ZNF385D: variants seen among roughly 807,000 people sequenced by gnomAD.
ZNF385D encodes the protein zinc finger protein 385D.
ZNF385D carries 15 observed loss-of-function variants against 35.8 expected under a neutral mutation model. The ratio of observed to expected loss-of-function variants is 0.42; its 90% CI spans 0.28 to 0.64. The LOEUF is 0.64. Among genes scored for constraint, ZNF385D ranks in the 30% least tolerant of loss-of-function variants. The probability of loss-of-function intolerance (pLI) is 0.23; values close to 1 mark genes in which losing one functional copy is unlikely to be tolerated. For missense variants in ZNF385D, 474 were observed against 494.6 expected, an observed-to-expected ratio of 0.96 and a Z score of 0.39; for synonymous variants, 212 against 186.8, an observed-to-expected ratio of 1.13 and a Z score of -1.10.
rs556412503 is a variant in ZNF385D, at chr3:21,437,707, A to AAAAAAAAAAC, written c.440-505_440-504insGTTTTTTTTT. Among the ~76,000 whole-genome samples, 1,153 of 138,228 alleles carry AAAAAAAAAAC rather than the reference A, an allele frequency of 8.3e-3. 58 individuals are homozygous for AAAAAAAAAAC. The highest frequency in any genetic ancestry group is 0.012 in the Non-Finnish European group (773 of 65,572). 90.7% of individuals were successfully genotyped at this position (138,228 alleles called of 152,430 possible). ...CCTTTTGCAAATGCTTATACAAAAAAAAAAAAAAAAAACCGGAACCCTGAT... is the reference window on the plus strand; with the variant it reads ...CCTTTTGCAAATGCTTATACAAAAAAAAAAAAAAACAAAAAAAAAAAACCGGAACCCTGAT... On this transcript the variant is annotated intron_variant, in intron 4 of 7. Transcript: ENST00000281523.
At chr3:21,541,866 A>G (rs2062185312) in intron 3 of ZNF385D, among the ~76,000 whole-genome samples, 2 of 152,226 alleles carry the variant, frequency 1.3e-5, no homozygotes, top group Admixed American at 1.3e-4. Flanking sequence ...TAAGAAGTGT[A>G]TACAGTTGTA....
chr3:21,863,904 G>C (rs563858421), intron 3 of ZNF385D, among the ~76,000 whole-genome samples: 29 of 152,202 alleles, frequency 1.9e-4, no homozygotes, highest in African/African-American at 7.0e-4. Context: ...ATGCGCACAT[G>C]AATCACCAGG....
intron 2 of ZNF385D, among the ~76,000 whole-genome samples, chr3:22,311,690 G>T (rs892016753): frequency 8.6e-5 from 13 of 152,038 alleles, no homozygotes; most frequent in Admixed American, 3.9e-4. Context: ...GAGGAGTGGA[G>T]AAAAAGAAGA....
chr3:21,737,001 A>G (rs982222487), intron 1 of ZNF385D, among the ~76,000 whole-genome samples: 17 of 152,240 alleles, frequency 1.1e-4, no homozygotes, highest in Non-Finnish European at 1.6e-4. Flanking sequence ...GTACAGTGGC[A>G]CAATCTCGGC....
intron 2 of ZNF385D, among the ~76,000 whole-genome samples, chr3:22,259,291 T>C (rs1193664068): frequency 6.6e-6 from 1 of 151,990 alleles, no homozygotes; most frequent in East Asian, 1.9e-4. Context: ...GTTTACCTCA[T>C]GGTGCCAGAT....
chr3:22,071,150 T>C (rs921363184), intron 3 of ZNF385D, among the ~76,000 whole-genome samples: 2 of 152,160 alleles, frequency 1.3e-5, no homozygotes, highest in African/African-American at 2.4e-5. Context: ...CAATAAAGAA[T>C]GCATATGTTT....
chr3:22,247,855 G>C (rs189576333), intron 2 of ZNF385D, among the ~76,000 whole-genome samples: 1 of 151,840 alleles, frequency 6.6e-6, no homozygotes, highest in Non-Finnish European at 1.5e-5. Flanking sequence ...CACCTGCCTC[G>C]GCCTCCCAAA....
intron 3 of ZNF385D, among the ~76,000 whole-genome samples, chr3:21,994,021 A>G (rs1457578009): frequency 6.6e-6 from 1 of 152,140 alleles, no homozygotes; most frequent in East Asian, 1.9e-4. Context: ...CTCCTTTCCA[A>G]GACCCTTCTA....
intron 3 of ZNF385D, among the ~76,000 whole-genome samples, chr3:21,951,559 T>C (rs139301336): frequency 6.6e-6 from 1 of 151,640 alleles, no homozygotes; most frequent in Non-Finnish European, 1.5e-5. Flanking sequence ...TCTTGCCTGA[T>C]TGCCCCGGCC....
At chr3:22,181,641 T>C (rs1161640683) in intron 2 of ZNF385D, among the ~76,000 whole-genome samples, 1 of 141,306 alleles carries the variant, frequency 7.1e-6, no homozygotes, top group Non-Finnish European at 1.5e-5. Flanking sequence ...GAGCTTGCAG[T>C]GAGCGGAGAT....
At chr3:21,635,532 G>GT (rs1387991662) in intron 2 of ZNF385D, among the ~76,000 whole-genome samples, 2 of 123,956 alleles carry the variant, frequency 1.6e-5, no homozygotes, top group Non-Finnish European at 1.8e-5. Context: ...CAGAGTCACT[G>GT]TTTGTTGTTG....
At chr3:21,606,989 A>G (rs761282282) in intron 2 of ZNF385D, among the ~76,000 whole-genome samples, 61 of 152,340 alleles carry the variant, frequency 4.0e-4, no homozygotes, top group Non-Finnish European at 7.6e-4. Context: ...AGCAAATCAT[A>G]TATTATCAGG....
intron 3 of ZNF385D, among the ~76,000 whole-genome samples, chr3:21,914,369 G>T (rs552355418): frequency 8.2e-6 from 1 of 121,414 alleles, no homozygotes; most frequent in African/African-American, 3.2e-5. Context: ...TCTGTTCAGT[G>T]CTTTTGTTTG....
intron 3 of ZNF385D, among the ~76,000 whole-genome samples, chr3:21,916,400 T>C (rs1700194570): frequency 6.6e-6 from 1 of 152,192 alleles, no homozygotes; most frequent in Non-Finnish European, 1.5e-5. Flanking sequence ...TCTGCTTTAC[T>C]GATTCTAATG....
intron 1 of ZNF385D, among the ~76,000 whole-genome samples, chr3:21,690,920 CTG>C (rs1235231634): frequency 6.6e-6 from 1 of 152,206 alleles, no homozygotes; most frequent in East Asian, 1.9e-4. Context: ...ATATCTAAAA[CTG>C]TTCCTCCTTC....
At chr3:22,096,203 C>T (rs137995510) in intron 3 of ZNF385D, among the ~76,000 whole-genome samples, 7 of 151,718 alleles carry the variant, frequency 4.6e-5, no homozygotes, top group Non-Finnish European at 8.8e-5. Context: ...GTTGAAAAAC[C>T]GACTGTTGAG....
In ZNF385D at chr3:22,222,571, CATA is replaced by C. The variant is rs1698322390; in HGVS notation, c.107-53539_107-53537del. Among the ~76,000 whole-genome samples, 6 of 152,220 alleles carry C rather than the reference CATA, an allele frequency of 3.9e-5. No individual in the cohort carries two copies. The South Asian group carries it at 1.2e-3, about 32-fold the overall frequency. ...TATCTCTGGACTTGAACTAGGCTTG[CATA>C]ACAGGAACTAGCAGGACAATGGACT... On this transcript the variant is annotated intron_variant, in intron 2 of 5. Coordinates refer to the ZNF385D transcript ENST00000494108.
chr3:21,851,875 C>T (rs1696407266), intron 3 of ZNF385D, among the ~76,000 whole-genome samples: 1 of 151,958 alleles, frequency 6.6e-6, no homozygotes, highest in Admixed American at 6.6e-5. Flanking sequence ...TTCACACCTA[C>T]CTTGGCCTTT....
At position 21,564,591 on chromosome 3, in the gene ZNF385D, A is replaced by G. The variant is rs1267623838; in HGVS notation, c.259T>C (p.Leu87=). The G allele has an allele frequency of 5.2e-6, 8 of 1,546,460 alleles. No individual in the cohort carries two copies. The highest frequency in any genetic ancestry group is 1.7e-4 in the Middle Eastern group (1 of 5,752). ...AAACTTACATCAGAATTAAATCTCAACTGGCAAATGTTGCATGATATGATT... is the reference window on the plus strand; with the variant it reads ...AAACTTACATCAGAATTAAATCTCAGCTGGCAAATGTTGCATGATATGATT... ...KQIISCNICQ[L]RFNSDSQAAA... is the part of the protein sequence containing the mutation. The change falls in exon 3 of 8, where the codon TTG becomes CTG. Residue 87 remains leucine, a synonymous_variant. Transcript: ENST00000281523.
Sources: allele counts gnomAD v4.1 joint callset (sites outside exome capture counted in the v4.1 genomes callset), GRCh38; gene constraint gnomAD v4.1.1; transcripts MANE v1.5; gene names NCBI Gene and HGNC (gene_info 2026-07-23, HGNC 2026-07-21).